AATK: variants seen among roughly 807,000 people sequenced by gnomAD.
The protein encoded by AATK is serine/threonine-protein kinase LMTK1.
A neutral mutation model predicts 114.3 loss-of-function variants in AATK; 91 were observed. That is an observed-to-expected ratio of 0.80 (90% CI 0.67 to 0.95). The LOEUF (loss-of-function observed/expected upper bound fraction) is 0.95, where lower values mean the gene tolerates loss of function less well. Among genes scored for constraint, AATK ranks in the 40% least tolerant of loss-of-function variants. AATK has a pLI of 0.00. For missense variants in AATK, 2,176 were observed against 1,965.2 expected (o/e 1.11, Z -2.03); for synonymous variants, 1,075 against 916.5 (o/e 1.17, Z -3.12).
rs560172011 is a variant in AATK at position 81,121,771 on chromosome 17, C to T, written c.2165G>A (p.Gly722Glu). The T allele has an allele frequency of 1.0e-5, 16 of 1,536,664 alleles. No homozygotes were observed. The South Asian group carries it at 1.9e-4, about 18-fold the overall frequency. Reference protein sequence around the residue: ...KQTPRASPEPGYPGEPLLGLQ... With the variant: ...KQTPRASPEPEYPGEPLLGLQ... Reference sequence around the variant, plus strand: ...CCCAAGCAGAGGCTCTCCAGGGTACCCCGGCTCGGGGGAGGCCCGTGGGGT... The same window carrying T: ...CCCAAGCAGAGGCTCTCCAGGGTACTCCGGCTCGGGGGAGGCCCGTGGGGT... Residue 722 changes from glycine (G) to glutamate (E), a missense_variant, in exon 11 of 14, where the codon GGG becomes GAG. Around this residue, in one of 4 missense-constraint regions of AATK, gnomAD observed 1,701 missense variants for 1,394.7 expected, o/e 1.22. Transcript: ENST00000326724.
At chr17:81,119,184 T>C (rs4969250) in intron 13 of AATK, among the ~76,000 whole-genome samples, 196 bp downstream of exon 13, 9,013 of 45,932 alleles carry the variant, frequency 0.2, 410 homozygotes, top group Non-Finnish European at 0.22. Flanking sequence ...CAGGTGAGGG[T>C]CAGGTGAGGG....
At chr17:81,124,681 G>A (rs773209463) in intron 9 of AATK, 46 bp downstream of exon 9, 3 of 1,598,330 alleles carry the variant, frequency 1.9e-6, no homozygotes, top group African/African-American at 1.3e-5. Context: ...GTGGGCAGGT[G>A]GCACTCGGCC....
chr17:81,121,889 A>T lies in AATK; in HGVS notation c.2047T>A (p.Ser683Thr). 1 of 1,600,388 alleles carries T rather than the reference A, an allele frequency of 6.2e-7. No homozygotes were observed. The highest frequency in any genetic ancestry group is 8.5e-7 in the Non-Finnish European group (1 of 1,179,142). ...AQRGHWRSNV[S>T]ANNNSGSRCP... The stretch of plus-strand genomic sequence containing the variant: ...CGGCTGCCGCTGTTGTTGTTGGCTG[A>T]CACGTTGGAGCGCCAGTGCCCGCGC... Residue 683 changes from serine (S) to threonine (T), a missense_variant, in exon 11 of 14, where the codon TCA (serine) becomes ACA (threonine). Around this residue, in one of 4 missense-constraint regions of AATK, gnomAD observed 1,701 missense variants for 1,394.7 expected, o/e 1.22. Transcript: ENST00000326724.
At chr17:81,134,901 C>T (rs575733978) in intron 1 of AATK, among the ~76,000 whole-genome samples, 3 of 152,228 alleles carry the variant, frequency 2.0e-5, no homozygotes, top group Non-Finnish European at 2.9e-5. Flanking sequence ...CTGTCAAACA[C>T]GGGAGACCAT....
Position 81,121,601 on chromosome 17 carries a change from C to G in AATK, c.2335G>C (p.Glu779Gln), listed in dbSNP as rs1375408074. Residue 779 changes from glutamate (E) to glutamine (Q), a missense_variant, in exon 11 of 14, where the codon GAG (glutamate) becomes CAG (glutamine). Glu to Gln is a conservative substitution (Grantham distance 29). Transcript: ENST00000326724. ...TCAGCCTCCGTGGCAAGCTTGGGCT[C>G]TGCCTGCGGGTGGTCACCCCCACTA... is the stretch of plus-strand genomic sequence containing the variant. ...ASSGGDHPQA[E>Q]PKLATEAEGT... The G allele has an allele frequency of 6.7e-7, 1 of 1,500,494 alleles. No homozygotes were observed. 92.9% of individuals were successfully genotyped at this position (1,500,494 alleles called of 1,614,324 possible). A position where few individuals can be genotyped will look rare whatever the true frequency, so the allele number is the denominator to read the frequency against.
chr17:81,127,870 TGG>T lies in AATK; in HGVS notation c.453_454del (p.Gln152GlyfsTer9). 2 of 1,549,206 alleles carry T rather than the reference TGG, an allele frequency of 1.3e-6. No homozygotes were observed. Among genetic ancestry groups the T allele is most frequent in the Non-Finnish European group, 1.7e-6 (2 of 1,146,920 alleles). ...AGCCTGCAGCTCCTTCACCACCACC[TGG>T]GCACTGCTGATGCCAGAGTTCACCT... On this transcript the variant is annotated frameshift_variant, in exon 5 of 14. Transcript: ENST00000326724. LOFTEE classifies it high-confidence loss of function.
rs1048266285 is a variant in AATK at position 81,134,258 on chromosome 17, C to T, written c.189+110G>A. The stretch of plus-strand genomic sequence containing the variant: ...GTGGCCCCACAGCAACTACGGCCAC[C>T]CAGCAGCCACCTTGATGGCCCCAGG... On this transcript the variant is annotated intron_variant, in intron 2 of 13. Coordinates refer to ENST00000326724, the MANE Select transcript of AATK (RefSeq NM_001080395.3). 1.4e-5 allele frequency: 20 copies of T among 1,461,172 alleles called. No homozygotes were observed. The African/African-American group carries it at 2.7e-4, about 20-fold the overall frequency. The allele number at this position is 1,461,172 out of a possible 1,614,324, so 90.5% of individuals were successfully genotyped here. A position where few individuals can be genotyped will look rare whatever the true frequency, so the allele number is the denominator to read the frequency against.
Position 81,126,456 on chromosome 17 carries a change from C to A in AATK, c.726G>T (p.Leu242=). The change falls in exon 7 of 14, where the codon CTG becomes CTT. Residue 242 remains leucine, a synonymous_variant. Transcript: ENST00000326724. This position sits in a 1 kb window ranked among gnomAD's most constrained non-coding sequence, Gnocchi z 5.1. The part of the protein sequence containing the change: ...RMACEVACGV[L]HLHRNNFVHS... ...GCACGAAATTGTTGCGATGAAGGTG[C>A]AGGACGCCACAGGCCACCTCACAGG... The A allele has an allele frequency of 1.9e-6, 3 of 1,560,426 alleles. No homozygotes were observed. The highest frequency in any genetic ancestry group is 2.6e-6 in the Non-Finnish European group (3 of 1,152,358).
chr17:81,125,154 A>G, intron 7 of AATK, 140 bp from the exon 8 acceptor site: 4 of 765,786 alleles, frequency 5.2e-6, no homozygotes, highest in Non-Finnish European at 6.5e-6. Context: ...GATGGCTCAC[A>G]GTCCAGGCTG....
At chr17:81,137,922 A>ACACACACAGCCACACG (rs1271336064) in intron 1 of AATK, among the ~76,000 whole-genome samples, 1 of 151,050 alleles carries the variant, frequency 6.6e-6, no homozygotes, top group Non-Finnish European at 1.5e-5. Context: ...GCACACGTGC[A>ACACACACAGCCACACG]CACAGCCACA....
intron 1 of AATK, among the ~76,000 whole-genome samples, chr17:81,139,859 A>C (rs1162862076): frequency 2.0e-5 from 3 of 152,180 alleles, no homozygotes; most frequent in Admixed American, 6.5e-5. Context: ...ACACGTGTCC[A>C]GGCTGTGGCT....
At position 81,127,604 on chromosome 17, in the gene AATK, C is replaced by CA; in HGVS notation, c.599dup (p.Val201GlyfsTer36). 1 of 1,601,944 alleles carries CA rather than the reference C, an allele frequency of 6.2e-7. No homozygotes were observed. Among genetic ancestry groups the CA allele is most frequent in the Non-Finnish European group, 8.5e-7 (1 of 1,174,876 alleles). Reference sequence around the variant, plus strand: ...TCACCAGTGGGCAGAACTCCATCACCAGCAGGTAGGGCGTCACCTCGGCGC... The same window carrying CA: ...TCACCAGTGGGCAGAACTCCATCACCAAGCAGGTAGGGCGTCACCTCGGCGC... On this transcript the variant is annotated frameshift_variant, in exon 6 of 14. Coordinates refer to ENST00000326724, the MANE Select transcript of AATK (RefSeq NM_001080395.3). LOFTEE classifies it high-confidence loss of function.
In AATK at chr17:81,121,654, AC is replaced by A; in HGVS notation, c.2281del (p.Val761LeufsTer84). 1 of 1,499,114 alleles carries A rather than the reference AC, an allele frequency of 6.7e-7. No individual in the cohort carries two copies. Among genetic ancestry groups the A allele is most frequent in the Non-Finnish European group, 8.9e-7 (1 of 1,128,026 alleles). The allele number at this position is 1,499,114 out of a possible 1,614,324, so 92.9% of individuals were successfully genotyped here. A position where few individuals can be genotyped will look rare whatever the true frequency, so the allele number is the denominator to read the frequency against. ...GGCTGTCTCTGTCCAGGAGGGTGTA[AC>A]CAGGCAGGGAGCAGGTGCCAGGCCC... ...AQGLAPAPCL[V>X]TPSWTETASS... On this transcript the variant is annotated frameshift_variant, in exon 11 of 14. Transcript: ENST00000326724. LOFTEE classifies it high-confidence loss of function.
Position 81,126,364 on chromosome 17 carries a change from C to G in AATK, c.755+63G>C. On this transcript the variant is annotated intron_variant, in intron 7 of 13. Transcript: ENST00000326724. This position sits in a 1 kb window ranked among gnomAD's most constrained non-coding sequence, Gnocchi z 5.1. The stretch of plus-strand genomic sequence containing the variant: ...CCCTGAGGCAGGACCCGCCCTATGC[C>G]CTTCCTTCAGGGGAGGGGCCTGGCC... 6.6e-7 allele frequency: 1 copy of G among 1,512,276 alleles called. No homozygotes were observed. Among genetic ancestry groups the G allele is most frequent in the East Asian group, 2.5e-5 (1 of 40,266 alleles). 93.7% of individuals were successfully genotyped at this position (1,512,276 alleles called of 1,614,324 possible). A position where few individuals can be genotyped will look rare whatever the true frequency, so the allele number is the denominator to read the frequency against.
In AATK at chr17:81,119,319, C is replaced by T. The variant is rs551488689; in HGVS notation, c.4084+61G>A. ...AGGACCTAGACGGAGGGGCCCCACC[C>T]TCGGAGCTCCGTGCCCTGCCTCCCG... On this transcript the variant is annotated intron_variant, in intron 13 of 13. Coordinates refer to ENST00000326724, the MANE Select transcript of AATK (RefSeq NM_001080395.3). The T allele has an allele frequency of 2.7e-5, 40 of 1,489,856 alleles. No homozygotes were observed. The South Asian group carries it at 4.7e-4, about 17-fold the overall frequency. 92.3% of individuals were successfully genotyped at this position (1,489,856 alleles called of 1,614,324 possible).
intron 13 of AATK, 28 bp from the exon 14 acceptor site, chr17:81,118,470 C>T: frequency 6.2e-7 from 1 of 1,602,170 alleles, no homozygotes; most frequent in Non-Finnish European, 8.5e-7. Flanking sequence ...AAAGTGAACA[C>T]AGGGTTCTGA....
At chr17:81,131,897 C>A (rs1380626430) in intron 2 of AATK, 1 of 1,332,986 alleles carries the variant, frequency 7.5e-7, no homozygotes, top group Non-Finnish European at 9.9e-7. Flanking sequence ...CCCTGGGCAG[C>A]CCACCTGCCA....
intron 1 of AATK, among the ~76,000 whole-genome samples, chr17:81,160,724 T>A (rs890752118): frequency 4.6e-5 from 7 of 152,114 alleles, no homozygotes; most frequent in Non-Finnish European, 8.8e-5. Context: ...CCAGGAGTGG[T>A]CGAGTGGGCC....
intron 1 of AATK, among the ~76,000 whole-genome samples, chr17:81,141,173 G>C (rs900327598): frequency 1.3e-5 from 2 of 152,168 alleles, no homozygotes; most frequent in Non-Finnish European, 2.9e-5. Context: ...ACTTTCGGCC[G>C]GGCGCGGTGG....
Sources: gnomAD v4.1 joint callset for allele counts (sites outside exome capture counted in the v4.1 genomes callset) on GRCh38, gnomAD v4.1.1 for gene constraint, gnomAD v4.1.1 regional missense constraint, Gnocchi (gnomAD v3.1) non-coding constraint, MANE v1.5 for transcripts, NCBI Gene and HGNC (gene_info 2026-07-23, HGNC 2026-07-21) for gene names.